Variants in FERRY3 observed in about 807,000 individuals in gnomAD.
FERRY3 encodes FERRY endosomal RAB5 effector complex subunit 3.
the FERRY3 span, chr12:4,490,394 C>CT: frequency 1.5e-6 from 1 of 649,404 alleles, no homozygotes; most frequent in Non-Finnish European, 2.5e-6. Context: ...TACTTCTCTC[C>CT]TTAAAAAACA....
the FERRY3 span, chr12:4,534,404 TTTTA>T: frequency 7.8e-7 from 1 of 1,281,864 alleles, no homozygotes; most frequent in Non-Finnish European, 1.0e-6. Context: ...ATTGTTAAAT[TTTTA>T]TTTTTTATTT....
chr12:4,517,437 G>T, the FERRY3 span, among the ~76,000 whole-genome samples: 5 of 151,708 alleles, frequency 3.3e-5, no homozygotes, highest in African/African-American at 1.2e-4. Context: ...GTAATTCCAG[G>T]TCTTCTTTAA....
the FERRY3 span, among the ~76,000 whole-genome samples, chr12:4,517,470 C>T: frequency 1.6e-3 from 247 of 151,684 alleles, no homozygotes; most frequent in African/African-American, 5.7e-3. Context: ...TCATAATCCA[C>T]CCCAAAAGGT....
the FERRY3 span, among the ~76,000 whole-genome samples, chr12:4,515,838 AG>A: frequency 6.6e-6 from 1 of 152,206 alleles, no homozygotes; most frequent in African/African-American, 2.4e-5. Flanking sequence ...TAACTATCTG[AG>A]GTAATAAATA....
chr12:4,507,298 T>C, the FERRY3 span, among the ~76,000 whole-genome samples: 6 of 152,134 alleles, frequency 3.9e-5, no homozygotes, highest in Non-Finnish European at 8.8e-5. Context: ...ATAAAAGTAA[T>C]AACAATTGGT....
the FERRY3 span, among the ~76,000 whole-genome samples, chr12:4,526,089 G>C: frequency 6.6e-6 from 1 of 152,144 alleles, no homozygotes; most frequent in African/African-American, 2.4e-5. Flanking sequence ...GTAAAATACA[G>C]TCTGAAGATG....
chr12:4,488,021 T>C, the FERRY3 span: 1 of 152,222 alleles, frequency 6.6e-6, no homozygotes, highest in Admixed American at 6.5e-5. This position sits in a 1 kb window ranked among gnomAD's most constrained non-coding sequence, Gnocchi z 4.9. Context: ...TTTTAAGTTA[T>C]ATATTTATTA....
chr12:4,488,205 T>A, the FERRY3 span: 1 of 152,172 alleles, frequency 6.6e-6, no homozygotes, highest in Non-Finnish European at 1.5e-5. The surrounding 1 kb of genome is among the most constrained non-coding windows in gnomAD (Gnocchi z 4.9). Context: ...CACCAGTTTA[T>A]AAGTAACTTA....
chr12:4,504,160 C>G, the FERRY3 span, among the ~76,000 whole-genome samples: 1 of 152,168 alleles, frequency 6.6e-6, no homozygotes, highest in African/African-American at 2.4e-5. Context: ...TGAATACCAG[C>G]AATGGGTACA....
At chr12:4,518,890 A>G in the FERRY3 span, 5 of 1,502,766 alleles carry the variant, frequency 3.3e-6, no homozygotes, top group Non-Finnish European at 3.6e-6. Context: ...ACTAAAAGTA[A>G]TAAAATTATT....
At chr12:4,510,101 G>C in the FERRY3 span, among the ~76,000 whole-genome samples, 4 of 140,464 alleles carry the variant, frequency 2.8e-5, no homozygotes, top group African/African-American at 9.0e-5. Flanking sequence ...GAAGAATGCA[G>C]AAGCCTCAGG....
chr12:4,514,601 T>C, the FERRY3 span, among the ~76,000 whole-genome samples: 1 of 151,818 alleles, frequency 6.6e-6, no homozygotes, highest in African/African-American at 2.4e-5. Context: ...TGTAGGGACA[T>C]GGATGAAATT....
chr12:4,512,450 T>C, the FERRY3 span, among the ~76,000 whole-genome samples: 2 of 152,282 alleles, frequency 1.3e-5, no homozygotes, highest in African/African-American at 4.8e-5. Flanking sequence ...AAGCAAATTT[T>C]AGACCAATAT....
At chr12:4,533,648 T>C in the FERRY3 span, among the ~76,000 whole-genome samples, 2 of 152,182 alleles carry the variant, frequency 1.3e-5, no homozygotes, top group East Asian at 3.8e-4. Context: ...ATTATTTAAA[T>C]AGAAAATGAT....
At chr12:4,497,708 T>C in the FERRY3 span, among the ~76,000 whole-genome samples, 1 of 152,210 alleles carries the variant, frequency 6.6e-6, no homozygotes, top group African/African-American at 2.4e-5. Flanking sequence ...AAAGATCTAT[T>C]GAGATAAAAC....
At chr12:4,531,874 G>A in the FERRY3 span, among the ~76,000 whole-genome samples, 1 of 152,130 alleles carries the variant, frequency 6.6e-6, no homozygotes, top group Non-Finnish European at 1.5e-5. Context: ...ACCCATCCAA[G>A]GCACTGCCTT....
the FERRY3 span, chr12:4,535,968 T>C: frequency 1.4e-6 from 2 of 1,397,908 alleles, no homozygotes; most frequent in Non-Finnish European, 1.9e-6. This position sits in a 1 kb window ranked among gnomAD's most constrained non-coding sequence, Gnocchi z 4.0. Flanking sequence ...AATGACAGAC[T>C]ATTGAAACTA....
chr12:4,536,670 G>A, the FERRY3 span, among the ~76,000 whole-genome samples: 3 of 152,098 alleles, frequency 2.0e-5, no homozygotes, highest in Non-Finnish European at 4.4e-5. Context: ...CTGGGGGAAG[G>A]GGAGTAAGAA....
chr12:4,537,223 C>T, the FERRY3 span, among the ~76,000 whole-genome samples: 1 of 152,222 alleles, frequency 6.6e-6, no homozygotes, highest in African/African-American at 2.4e-5. Flanking sequence ...TCTTACTGAT[C>T]TTAATTTCAT....
Sources: gnomAD v4.1 joint callset for allele counts (sites outside exome capture counted in the v4.1 genomes callset) on GRCh38, gnomAD v4.1.1 for gene constraint, Gnocchi (gnomAD v3.1) non-coding constraint, MANE v1.5 for transcripts, NCBI Gene and HGNC (gene_info 2026-07-23, HGNC 2026-07-21) for gene names.